Variants in SLC14A2 observed in about 807,000 individuals in gnomAD.
SLC14A2 encodes the protein solute carrier family 14 member 2.
Under a neutral mutation model 104.6 loss-of-function variants are expected in SLC14A2, and 91 were observed. The ratio of observed to expected loss-of-function variants is 0.87; its 90% confidence interval spans 0.73 to 1.04. SLC14A2 has a LOEUF of 1.04. Among genes scored for constraint, SLC14A2 ranks in the 50% least tolerant of loss-of-function variants. SLC14A2 has a pLI of 0.00. For missense variants in SLC14A2, 1,189 were observed against 1,156.0 expected (o/e 1.03, Z -0.41); for synonymous variants, 476 against 466.4 (o/e 1.02, Z -0.27).
At chr18:45,203,473 T>G in the SLC14A2 span, among the ~76,000 whole-genome samples, 1 of 152,178 alleles carries the variant, frequency 6.6e-6, no homozygotes, top group African/African-American at 2.4e-5. Context: ...TGAGAGAAAT[T>G]ATCGGTTTCT....
At chr18:45,411,675 A>G (rs1430884737) in intron 1 of SLC14A2, among the ~76,000 whole-genome samples, 1 of 152,186 alleles carries the variant, frequency 6.6e-6, no homozygotes, top group Non-Finnish European at 1.5e-5. Context: ...ATGTGTAGTG[A>G]GCTGAGAGGA....
At position 45,531,507 on chromosome 18, in the gene SLC14A2, A is replaced by C. The variant is rs891375196; in HGVS notation, c.-35+48185A>C. ...GCTGCATAAATGTCTTCTTTTGAGA[A>C]GGGTCTGTTCATATCCTTCACCCAC... is the stretch of plus-strand genomic sequence containing the variant. On this transcript the variant is annotated intron_variant, in intron 2 of 20. Coordinates refer to the SLC14A2 transcript ENST00000586448. 2.6e-5 allele frequency among the ~76,000 whole-genome samples: 4 copies of C among 152,336 alleles called. No individual in the cohort carries two copies. The East Asian group carries it at 7.7e-4, about 29-fold the overall frequency.
chr18:45,422,493 A>C (rs1396702949), intron 1 of SLC14A2, among the ~76,000 whole-genome samples: 1 of 152,196 alleles, frequency 6.6e-6, no homozygotes, highest in Non-Finnish European at 1.5e-5. Flanking sequence ...ACACAGATTT[A>C]GGCTAAGCGT....
chr18:45,561,919 T>TAACC (rs71787393), intron 2 of SLC14A2, among the ~76,000 whole-genome samples: 1 of 75,254 alleles, frequency 1.3e-5, no homozygotes, highest in Non-Finnish European at 3.6e-5. Context: ...TTTCTTTATT[T>TAACC]AACTGCTCTA....
intron 1 of SLC14A2, among the ~76,000 whole-genome samples, chr18:45,395,149 T>A (rs974275394): frequency 7.9e-5 from 12 of 152,186 alleles, no homozygotes; most frequent in African/African-American, 2.7e-4. Flanking sequence ...CATCAATGGA[T>A]GAATGGATTT....
chr18:45,393,793 G>A (rs572191339), intron 1 of SLC14A2, among the ~76,000 whole-genome samples: 3 of 152,318 alleles, frequency 2.0e-5, no homozygotes, highest in Non-Finnish European at 2.9e-5. Flanking sequence ...ACCCTTTTCA[G>A]AGCAGCAGCC....
chr18:45,457,143 C>T (rs2086957733), intron 1 of SLC14A2, among the ~76,000 whole-genome samples: 2 of 152,108 alleles, frequency 1.3e-5, no homozygotes, highest in African/African-American at 2.4e-5. Flanking sequence ...TTGCCTAGTA[C>T]TTTGTAGTAT....
At chr18:45,680,493 G>A (rs1049669491) in intron 19 of SLC14A2, among the ~76,000 whole-genome samples, 12 of 152,164 alleles carry the variant, frequency 7.9e-5, no homozygotes, top group Admixed American at 4.6e-4. Context: ...CAATGTCATC[G>A]AGGAACAGGA....
upstream of SLC14A2, among the ~76,000 whole-genome samples, chr18:45,614,449 G>A (rs2144463289): frequency 6.6e-6 from 1 of 152,268 alleles, no homozygotes; most frequent in Admixed American, 6.5e-5. Context: ...CCAGACCCCA[G>A]AATGGTAAAT....
At chr18:45,214,410 T>C (rs2083989454) in intron 1 of SLC14A2, among the ~76,000 whole-genome samples, 1 of 152,220 alleles carries the variant, frequency 6.6e-6, no homozygotes, top group South Asian at 2.1e-4. Context: ...AGGAAAGCCC[T>C]GTGCTTTCAT....
chr18:45,337,088 T>G (rs532940912), intron 1 of SLC14A2, among the ~76,000 whole-genome samples: 1 of 152,170 alleles, frequency 6.6e-6, no homozygotes, highest in Admixed American at 6.5e-5. Flanking sequence ...CCTCCAGCTC[T>G]AAGCAGGATG....
intron 1 of SLC14A2, among the ~76,000 whole-genome samples, chr18:45,257,043 CA>C (rs1468075903): frequency 1.3e-5 from 2 of 152,198 alleles, no homozygotes; most frequent in African/African-American, 4.8e-5. Flanking sequence ...TAGACAATGC[CA>C]GACATTAAAT....
intron 1 of SLC14A2, among the ~76,000 whole-genome samples, chr18:45,478,055 T>G (rs1479857563): frequency 2.6e-5 from 4 of 152,214 alleles, no homozygotes; most frequent in Non-Finnish European, 2.9e-5. Flanking sequence ...TGCAGCTAGC[T>G]TGGTGTCTGC....
chr18:45,554,934 C>T (rs2044111169), intron 2 of SLC14A2, among the ~76,000 whole-genome samples: 1 of 152,190 alleles, frequency 6.6e-6, no homozygotes, highest in Admixed American at 6.5e-5. Flanking sequence ...AGACTATTCC[C>T]CATCAGTACC....
At chr18:45,214,049 A>G (rs145910797) in intron 1 of SLC14A2, among the ~76,000 whole-genome samples, 1 of 152,340 alleles carries the variant, frequency 6.6e-6, no homozygotes, top group Non-Finnish European at 1.5e-5. Flanking sequence ...GGTATGCAAG[A>G]GTGACAGAGA....
chr18:45,420,188 G>A (rs1392973400), intron 1 of SLC14A2, among the ~76,000 whole-genome samples: 1 of 152,184 alleles, frequency 6.6e-6, no homozygotes, highest in Non-Finnish European at 1.5e-5. Context: ...CTGTTGGCAA[G>A]AGTCCTCAGT....
rs577508063 is a variant in SLC14A2, at chr18:45,596,783, C to T, written c.-34-27848C>T. ...CAGATTATGAAACTTAATACAGCTA[C>T]AAAGTACCTTCCCATACCAACACCT... On this transcript the variant is annotated intron_variant, in intron 2 of 20. Transcript: ENST00000586448. 7.9e-5 allele frequency among the ~76,000 whole-genome samples: 12 copies of T among 152,334 alleles called. No homozygotes were observed. In the South Asian group the frequency reaches 1.9e-3, roughly 24 times the overall value.
chr18:45,214,887 G>T (rs1328480355), intron 1 of SLC14A2, among the ~76,000 whole-genome samples: 1 of 145,140 alleles, frequency 6.9e-6, no homozygotes, highest in East Asian at 2.0e-4. Flanking sequence ...ACCCTGCAGG[G>T]TTTTAGTATC....
chr18:45,173,394 G>A, the SLC14A2 span, among the ~76,000 whole-genome samples: 3 of 151,844 alleles, frequency 2.0e-5, no homozygotes, highest in African/African-American at 7.3e-5. Context: ...ATGTAATCAC[G>A]GTTTTCCTTT....
Sources: allele counts gnomAD v4.1 joint callset (sites outside exome capture counted in the v4.1 genomes callset), GRCh38; gene constraint gnomAD v4.1.1; transcripts MANE v1.5; gene names NCBI Gene and HGNC (gene_info 2026-07-23, HGNC 2026-07-21).